TRAF3IP1: variants seen among roughly 807,000 people sequenced by gnomAD.
TRAF3IP1 encodes TRAF3-interacting protein 1.
TRAF3IP1 carries 53 observed loss-of-function variants against 89.9 expected under a neutral mutation model. The observed-to-expected ratio is 0.59, with a 90% CI of 0.47 to 0.74. TRAF3IP1 has a LOEUF of 0.74. Ranked by LOEUF, TRAF3IP1 falls within the 30% of genes least tolerant of loss-of-function variation. The probability of loss-of-function intolerance (pLI) is 0.00; values close to 1 mark genes in which losing one functional copy is unlikely to be tolerated. For synonymous variants in TRAF3IP1, 311 were observed against 322.1 expected, an observed-to-expected ratio of 0.97 and a Z score of 0.37; for missense variants, 806 against 866.1, an observed-to-expected ratio of 0.93 and a Z score of 0.87.
intron 15 of TRAF3IP1, among the ~76,000 whole-genome samples, chr2:238,380,061 T>C (rs1185060265): frequency 1.3e-5 from 2 of 152,212 alleles, no homozygotes; most frequent in African/African-American, 4.8e-5. Context: ...TTTACAACCT[T>C]ATGTCCTTTG....
chr2:238,344,701 G>C (rs777692484), intron 9 of TRAF3IP1, 103 bp downstream of exon 9: 12 of 948,896 alleles, frequency 1.3e-5, no homozygotes, highest in Non-Finnish European at 1.7e-5. Context: ...TTTTCCTCTT[G>C]GGTCTGAACG....
rs558277556 is a variant in TRAF3IP1, at chr2:238,399,022, C to G, written c.*103C>G. On this transcript the variant is annotated 3_prime_UTR_variant, in exon 17 of 17. Transcript: ENST00000373327. ...AGTTCCAGTTTGCTAAGAAAATGAACAGTTTACAATGTTATTATCCAGCTA... is the reference window on the plus strand; with the variant it reads ...AGTTCCAGTTTGCTAAGAAAATGAAGAGTTTACAATGTTATTATCCAGCTA... The G allele has an allele frequency of 1.4e-4, 146 of 1,072,916 alleles. 1 individual carries two copies. Among genetic ancestry groups the G allele is most frequent in the Middle Eastern group, 1.3e-3 (4 of 3,198 alleles). The allele number at this position is 1,072,916 out of a possible 1,614,324, so 66.5% of individuals were successfully genotyped here. A position where few individuals can be genotyped will look rare whatever the true frequency, so the allele number is the denominator to read the frequency against.
At chr2:238,358,204 G>A (rs922863403) in intron 15 of TRAF3IP1, among the ~76,000 whole-genome samples, 26 of 151,392 alleles carry the variant, frequency 1.7e-4, no homozygotes, top group Non-Finnish European at 1.5e-4. Flanking sequence ...TCCGCCTCCC[G>A]GATTCACGCC....
Position 238,398,875 on chromosome 2 carries a change from A to G in TRAF3IP1, c.2032A>G (p.Ile678Val). ...CAACATCCTCAAGAATGAAGAAAAAATCCAGAAAATGGTATATAGTATCAA... is the reference window on the plus strand; with the variant it reads ...CAACATCCTCAAGAATGAAGAAAAAGTCCAGAAAATGGTATATAGTATCAA... ...KANILKNEEK[I>V]QKMVYSINLT... The change falls in exon 17 of 17, where the codon ATC becomes GTC. Residue 678 changes from isoleucine to valine, a missense_variant. This residue lies in a region of TRAF3IP1 where 70 missense variants were observed against 67.8 expected (regional missense o/e 1.03). Transcript: ENST00000373327. 1 of 1,613,194 alleles carries G rather than the reference A, an allele frequency of 6.2e-7. No individual in the cohort carries two copies. Among genetic ancestry groups the G allele is most frequent in the Non-Finnish European group, 8.5e-7 (1 of 1,179,672 alleles).
intron 15 of TRAF3IP1, among the ~76,000 whole-genome samples, chr2:238,370,123 C>T (rs906548222): frequency 2.6e-5 from 4 of 152,148 alleles, no homozygotes; most frequent in South Asian, 2.1e-4. Context: ...CAGGTCATCT[C>T]AGTGAACAGA....
rs146137101 is a variant in TRAF3IP1 at position 238,369,415 on chromosome 2, C to A, written c.1689+13335C>A. ...TTTCTGGCTCTGCTGCTTTTTGTTG[C>A]AGAAGCATCCAGTCCAGAATGAGTT... On this transcript the variant is annotated intron_variant, in intron 15 of 16. Transcript: ENST00000373327. Among the ~76,000 whole-genome samples, 1,062 of 152,272 alleles carry A rather than the reference C, an allele frequency of 7.0e-3. 11 individuals are homozygous for A. Among genetic ancestry groups the A allele is most frequent in the African/African-American group, 0.024 (978 of 41,538 alleles).
intron 2 of TRAF3IP1, 150 bp from the exon 3 acceptor site, chr2:238,325,659 A>G (rs1697789172): frequency 7.3e-6 from 6 of 827,000 alleles, no homozygotes; most frequent in Non-Finnish European, 9.3e-6. Context: ...TTGTTTTGTC[A>G]GTAAAAGGTC....
chr2:238,386,126 G>A (rs960876472), intron 15 of TRAF3IP1, among the ~76,000 whole-genome samples: 5 of 152,158 alleles, frequency 3.3e-5, no homozygotes, highest in African/African-American at 1.2e-4. Flanking sequence ...TGTCTTGGAA[G>A]AAAACTCATT....
intron 7 of TRAF3IP1, among the ~76,000 whole-genome samples, chr2:238,335,992 A>G (rs1214616069): frequency 1.3e-5 from 2 of 151,786 alleles, no homozygotes; most frequent in African/African-American, 2.4e-5. Flanking sequence ...GGGTTTTACC[A>G]TGTTGGCCAG....
At chr2:238,385,186 T>C (rs1304596300) in intron 15 of TRAF3IP1, among the ~76,000 whole-genome samples, 2 of 152,012 alleles carry the variant, frequency 1.3e-5, no homozygotes, top group Non-Finnish European at 2.9e-5. Flanking sequence ...CGGCTAATTT[T>C]TTGTATTTTT....
intron 7 of TRAF3IP1, among the ~76,000 whole-genome samples, 179 bp from the exon 8 acceptor site, chr2:238,338,183 G>A (rs543810572): frequency 1.3e-5 from 2 of 152,170 alleles, no homozygotes; most frequent in African/African-American, 4.8e-5. Flanking sequence ...GAAGGAGAGG[G>A]GGCTTCTTGT....
At chr2:238,334,324 T>C (rs1698283115) in intron 7 of TRAF3IP1, among the ~76,000 whole-genome samples, 1 of 152,258 alleles carries the variant, frequency 6.6e-6, no homozygotes, top group Admixed American at 6.5e-5. Context: ...CAGAAATACT[T>C]ATCAGCCATC....
intron 15 of TRAF3IP1, among the ~76,000 whole-genome samples, chr2:238,356,979 C>T (rs566027922): frequency 6.6e-6 from 1 of 152,200 alleles, no homozygotes; most frequent in African/African-American, 2.4e-5. Flanking sequence ...GGGGTTTTAC[C>T]GTGTTAGCCA....
rs751856682 is a variant in TRAF3IP1, at chr2:238,325,295, C to T, written c.124-11C>T. The T allele has an allele frequency of 6.2e-7, 1 of 1,614,132 alleles. No individual in the cohort carries two copies. The highest frequency in any genetic ancestry group is 2.2e-5 in the East Asian group (1 of 44,884). ...TGAGGTGACATGGTGGCCTTTCTTT[C>T]TCTCTTGAAGGTGATTAGAATGACT... On this transcript the variant is annotated splice_polypyrimidine_tract_variant and intron_variant, in intron 1 of 16. Transcript: ENST00000373327.
chr2:238,331,348 G>A (rs560350756), intron 5 of TRAF3IP1, among the ~76,000 whole-genome samples: 7 of 151,602 alleles, frequency 4.6e-5, no homozygotes, highest in Non-Finnish European at 7.4e-5. Context: ...GTGGTGGCAC[G>A]TGCCTGTAGT....
chr2:238,351,169 G>A lies in TRAF3IP1; in HGVS notation c.1452-1658G>A, dbSNP rs1460780775. Among the ~76,000 whole-genome samples, 1 of 152,112 alleles carries A rather than the reference G, an allele frequency of 6.6e-6. No individual in the cohort carries two copies. The highest frequency in any genetic ancestry group is 6.5e-5 in the Admixed American group (1 of 15,268). Reference sequence around the variant, plus strand: ...GGGTGCCCCTGGGAGTGGGCGTCGAGTGTGGGAGGTGGGATCATCCCAGCA... The same window carrying A: ...GGGTGCCCCTGGGAGTGGGCGTCGAATGTGGGAGGTGGGATCATCCCAGCA... On this transcript the variant is annotated intron_variant, in intron 12 of 16. Coordinates refer to ENST00000373327, the MANE Select transcript of TRAF3IP1 (RefSeq NM_015650.4). The surrounding 1 kb of genome is among the most constrained non-coding windows in gnomAD (Gnocchi z 5.2).
intron 9 of TRAF3IP1, 73 bp from the exon 10 acceptor site, chr2:238,347,382 A>G (rs1014034190): frequency 1.1e-5 from 17 of 1,527,914 alleles, no homozygotes; most frequent in African/African-American, 8.2e-5. Flanking sequence ...TTTTTCTCCA[A>G]TTCTGTTCTC....
chr2:238,333,467 G>A (rs1698226601), intron 6 of TRAF3IP1, among the ~76,000 whole-genome samples: 2 of 152,180 alleles, frequency 1.3e-5, no homozygotes, highest in Non-Finnish European at 2.9e-5. Context: ...AGGGAGATGG[G>A]TTAGGCATAG....
chr2:238,329,279 C>T lies in TRAF3IP1; in HGVS notation c.852C>T (p.Asn284=), dbSNP rs766693160. The T allele has an allele frequency of 1.2e-5, 18 of 1,485,602 alleles. No homozygotes were observed. Among genetic ancestry groups the T allele is most frequent in the East Asian group, 9.3e-5 (4 of 43,098 alleles). 92.0% of individuals were successfully genotyped at this position (1,485,602 alleles called of 1,614,324 possible). Residue 284 remains asparagine (N), a synonymous_variant, in exon 5 of 17, where the codon AAC becomes AAT. Transcript: ENST00000373327. ...ACAGGGACAGACGGAGAGTGAAAAACGGGGAGCACTCCTGGGACCTGGACA... is the reference window on the plus strand; with the variant it reads ...ACAGGGACAGACGGAGAGTGAAAAATGGGGAGCACTCCTGGGACCTGGACA... The part of the protein sequence containing the change: ...GKDRDRRRVK[N]GEHSWDLDRE...
Sources: gnomAD v4.1 joint callset for allele counts (sites outside exome capture counted in the v4.1 genomes callset) on GRCh38, gnomAD v4.1.1 for gene constraint, gnomAD v4.1.1 regional missense constraint, Gnocchi (gnomAD v3.1) non-coding constraint, MANE v1.5 for transcripts, NCBI Gene and HGNC (gene_info 2026-07-23, HGNC 2026-07-21) for gene names.